Variants in C1orf50 observed in about 807,000 individuals in gnomAD.
The protein encoded by C1orf50 is chromosome 1 open reading frame 50.
A neutral mutation model predicts 23.3 loss-of-function variants in C1orf50; 22 were observed. The ratio of observed to expected loss-of-function variants is 0.94; its 90% CI spans 0.67 to 1.35. The LOEUF (loss-of-function observed/expected upper bound fraction) is 1.35. C1orf50 is among the 40% of genes most tolerant of loss of function. The pLI is 0.00. For synonymous variants in C1orf50, 96 were observed against 102.4 expected (o/e 0.94, Z 0.38); for missense variants, 271 against 249.4 (o/e 1.09, Z -0.58).
intron 2 of C1orf50, chr1:42,769,963 G>C (rs910117058): frequency 1.3e-5 from 2 of 152,250 alleles, no homozygotes; most frequent in Non-Finnish European, 2.9e-5. Context: ...ATCCTTTGCT[G>C]TTTATTATCT....
At position 42,778,980 on chromosome 1, in the gene C1orf50, C is replaced by T. The variant is rs1245256541; in HGVS notation, c.*3586C>T. 1.3e-5 allele frequency: 1 copy of T among 75,400 alleles called. No homozygotes were observed. 4.7% of individuals were successfully genotyped at this position (75,400 alleles called of 1,614,324 possible). ...ACCAATTACAAGGTGTACTTCCCCC[C>T]CCCCCCCCCCCACATTTTGGTGTCT... On this transcript the variant is annotated 3_prime_UTR_variant, in exon 5 of 5. Coordinates refer to ENST00000372525, the MANE Select transcript of C1orf50 (RefSeq NM_024097.4).
rs529349878 is a variant in C1orf50 at position 42,774,022 on chromosome 1, C to T, written c.282+373C>T. On this transcript the variant is annotated intron_variant, in intron 3 of 4. Coordinates refer to ENST00000372525, the MANE Select transcript of C1orf50 (RefSeq NM_024097.4). Reference sequence around the variant, plus strand: ...ATTTTTAGTAGAGATGGGGTTTTGCCATGTTGGCCAGGCCTGTCTTGAACT... The same window carrying T: ...ATTTTTAGTAGAGATGGGGTTTTGCTATGTTGGCCAGGCCTGTCTTGAACT... 8.5e-5 allele frequency among the ~76,000 whole-genome samples: 13 copies of T among 152,184 alleles called. No individual in the cohort carries two copies. The South Asian group carries it at 2.7e-3, about 32-fold the overall frequency.
At chr1:42,767,720 T>A in intron 2 of C1orf50, 96 bp downstream of exon 2, 1 of 1,120,546 alleles carries the variant, frequency 8.9e-7, no homozygotes, top group Non-Finnish European at 1.3e-6. Context: ...ATGGTGGGGG[T>A]GGCATTTGCT....
chr1:42,775,376 C>A lies in C1orf50; in HGVS notation c.582C>A (p.Phe194Leu), dbSNP rs750694984. 1.3e-6 allele frequency: 2 copies of A among 1,592,756 alleles called. No homozygotes were observed. Among genetic ancestry groups the A allele is most frequent in the Admixed American group, 3.3e-5 (2 of 59,750 alleles). Residue 194 changes from phenylalanine (F) to leucine (L), a missense_variant, in exon 5 of 5, where the codon TTC becomes TTA. Transcript: ENST00000372525. ...VALPPCTEPN[F>L]QGLTH ...TGCCTCCGTGCACTGAACCCAACTT[C>A]CAGGGACTGACTCACTGAGAGTGGG...
rs1653341389 is a variant in C1orf50, at chr1:42,776,401, G to T, written c.*1007G>T. 1.3e-5 allele frequency: 2 copies of T among 152,126 alleles called. No individual in the cohort carries two copies. Among genetic ancestry groups the T allele is most frequent in the South Asian group, 4.1e-4 (2 of 4,826 alleles). 9.4% of individuals were successfully genotyped at this position (152,126 alleles called of 1,614,324 possible). ...TACCTTCTTTCCTATCTGTTTGGTG[G>T]AATTAGCTAAGTTTATGGATTATTT... On this transcript the variant is annotated 3_prime_UTR_variant, in exon 5 of 5. Coordinates refer to ENST00000372525, the MANE Select transcript of C1orf50 (RefSeq NM_024097.4).
intron 2 of C1orf50, among the ~76,000 whole-genome samples, chr1:42,769,395 A>G (rs1054297554): frequency 9.3e-5 from 14 of 151,216 alleles, no homozygotes; most frequent in Non-Finnish European, 1.8e-4. Flanking sequence ...AATACAAAAA[A>G]TTAGCCGGGC....
chr1:42,768,375 T>A (rs1327547913), intron 2 of C1orf50, among the ~76,000 whole-genome samples: 1 of 152,208 alleles, frequency 6.6e-6, no homozygotes, highest in Non-Finnish European at 1.5e-5. Flanking sequence ...TTGTACACCC[T>A]CTTCAGTGTC....
At chr1:42,771,105 T>A (rs902591484) in intron 2 of C1orf50, among the ~76,000 whole-genome samples, 4 of 152,248 alleles carry the variant, frequency 2.6e-5, no homozygotes, top group African/African-American at 7.2e-5. Context: ...CTTTTTTACT[T>A]AACTCATTTG....
At position 42,774,036 on chromosome 1, in the gene C1orf50, C is replaced by G. The variant is rs549316771; in HGVS notation, c.282+387C>G. ...TGGGGTTTTGCCATGTTGGCCAGGC[C>G]TGTCTTGAACTCCTGACCTCAGGTG... On this transcript the variant is annotated intron_variant, in intron 3 of 4. Transcript: ENST00000372525. Among the ~76,000 whole-genome samples, 310 of 151,780 alleles carry G rather than the reference C, an allele frequency of 2.0e-3. 2 individuals carry two copies. The highest frequency in any genetic ancestry group is 7.2e-3 in the African/African-American group (297 of 41,384).
chr1:42,774,931 T>C (rs1220069840), intron 4 of C1orf50, 63 bp downstream of exon 4: 18 of 1,554,284 alleles, frequency 1.2e-5, no homozygotes, highest in Non-Finnish European at 1.5e-5. Flanking sequence ...TTGGTATATG[T>C]GTGAAAATGT....
chr1:42,769,119 A>G (rs940707632), intron 2 of C1orf50, among the ~76,000 whole-genome samples: 2 of 152,020 alleles, frequency 1.3e-5, no homozygotes, highest in African/African-American at 4.8e-5. Context: ...GTGGTGACTC[A>G]TGCCTGTAGT....
rs767693002 is a variant in C1orf50 at position 42,767,496 on chromosome 1, G to T, written c.80-13G>T. The T allele has an allele frequency of 6.4e-6, 10 of 1,560,198 alleles. No homozygotes were observed. In the South Asian group the frequency reaches 1.2e-4, roughly 18 times the overall value. On this transcript the variant is annotated splice_polypyrimidine_tract_variant and intron_variant, in intron 1 of 4. Coordinates refer to ENST00000372525, the MANE Select transcript of C1orf50 (RefSeq NM_024097.4). Reference sequence around the variant, plus strand: ...GGGAGCTCACGGCTTGTGTTCCTGGGTGTGTGTCGCAGGAGCCCTGGTGGA... The same window carrying T: ...GGGAGCTCACGGCTTGTGTTCCTGGTTGTGTGTCGCAGGAGCCCTGGTGGA...
intron 2 of C1orf50, among the ~76,000 whole-genome samples, chr1:42,770,872 G>A (rs1653202790): frequency 6.6e-6 from 1 of 152,096 alleles, no homozygotes; most frequent in Non-Finnish European, 1.5e-5. Flanking sequence ...TCAAATGCCT[G>A]CAAACTTTTT....
chr1:42,772,816 T>C (rs1653250681), intron 2 of C1orf50, among the ~76,000 whole-genome samples: 1 of 152,204 alleles, frequency 6.6e-6, no homozygotes, highest in Non-Finnish European at 1.5e-5. Context: ...CAGTTGCACT[T>C]TGTGGCACGT....
intron 2 of C1orf50, chr1:42,769,798 G>A (rs774905987): frequency 6.6e-6 from 1 of 150,972 alleles, no homozygotes; most frequent in Non-Finnish European, 1.5e-5. Flanking sequence ...AGTGGAGATT[G>A]TGCCACTTCA....
rs1653327824 is a variant in C1orf50 at position 42,775,786 on chromosome 1, AACTGG to A, written c.*393_*397del. ...TTTATATATATATATATATATATAT[AACTGG>A]TAGTATTTAACATTGGGGTTGAGGC... is the stretch of plus-strand genomic sequence containing the variant. On this transcript the variant is annotated 3_prime_UTR_variant, in exon 5 of 5. Coordinates refer to ENST00000372525, the MANE Select transcript of C1orf50 (RefSeq NM_024097.4). 7.1e-6 allele frequency: 1 copy of A among 140,764 alleles called. No homozygotes were observed. Among genetic ancestry groups the A allele is most frequent in the Non-Finnish European group, 1.5e-5 (1 of 65,352 alleles). 8.7% of individuals were successfully genotyped at this position (140,764 alleles called of 1,614,324 possible).
At chr1:42,772,343 C>G (rs1476200738) in intron 2 of C1orf50, among the ~76,000 whole-genome samples, 1 of 152,184 alleles carries the variant, frequency 6.6e-6, no homozygotes, top group East Asian at 1.9e-4. Context: ...CTCCTCATTT[C>G]TTTACCTTAA....
chr1:42,773,550 T>G lies in C1orf50; in HGVS notation c.196-13T>G, dbSNP rs761996545. ...CTCTTTCAACCCACAGTTTAGTTTT[T>G]TCTCACCTGTAGGCTGATGAATTCA... On this transcript the variant is annotated splice_polypyrimidine_tract_variant and intron_variant, in intron 2 of 4. Coordinates refer to ENST00000372525, the MANE Select transcript of C1orf50 (RefSeq NM_024097.4). 6.4e-7 allele frequency: 1 copy of G among 1,570,226 alleles called. No individual in the cohort carries two copies. Among genetic ancestry groups the G allele is most frequent in the Non-Finnish European group, 8.8e-7 (1 of 1,142,652 alleles).
rs1480278755 is a variant in C1orf50 at position 42,778,748 on chromosome 1, CACG to C, written c.*3357_*3359del. The C allele has an allele frequency of 1.3e-5, 2 of 152,198 alleles. No homozygotes were observed. Among genetic ancestry groups the C allele is most frequent in the African/African-American group, 4.8e-5 (2 of 41,402 alleles). The allele number at this position is 152,198 out of a possible 1,614,324, so 9.4% of individuals were successfully genotyped here. ...TGGAAGGGACATTGACCAGAATTGA[CACG>C]ACATTTGGGGAATCGCAGCCAGTTA... On this transcript the variant is annotated 3_prime_UTR_variant, in exon 5 of 5. Coordinates refer to ENST00000372525, the MANE Select transcript of C1orf50 (RefSeq NM_024097.4).
Sources: allele counts gnomAD v4.1 joint callset (sites outside exome capture counted in the v4.1 genomes callset), GRCh38; gene constraint gnomAD v4.1.1; transcripts MANE v1.5; gene names NCBI Gene and HGNC (gene_info 2026-07-23, HGNC 2026-07-21).